Variants in NSUN4 observed in about 807,000 individuals in gnomAD.
NSUN4 encodes the protein NOP2/Sun RNA methyltransferase 4.
In NSUN4, 31 loss-of-function variants were observed where a neutral mutation model predicts 43.8. The ratio of observed to expected loss-of-function variants is 0.71; its 90% CI spans 0.53 to 0.96. NSUN4 has a LOEUF of 0.96. Ranked by LOEUF, NSUN4 falls within the 40% of genes least tolerant of loss-of-function variation. The probability of loss-of-function intolerance (pLI) is 0.00; values close to 1 mark genes in which losing one functional copy is unlikely to be tolerated. For missense variants in NSUN4, 439 were observed against 475.6 expected (o/e 0.92, Z 0.72); for synonymous variants, 167 against 184.1 (o/e 0.91, Z 0.75).
intron 1 of NSUN4, chr1:46,341,594 C>T: frequency 8.3e-7 from 1 of 1,203,604 alleles, no homozygotes; most frequent in Non-Finnish European, 1.0e-6. Flanking sequence ...CTATGACCGG[C>T]ACGCCCCCCT....
chr1:46,380,984 C>G, the NSUN4 span, among the ~76,000 whole-genome samples: 1 of 152,102 alleles, frequency 6.6e-6, no homozygotes, highest in African/African-American at 2.4e-5. Flanking sequence ...TGGGGGGATA[C>G]TATTATTACC....
At chr1:46,374,969 C>T in the NSUN4 span, among the ~76,000 whole-genome samples, 1 of 151,792 alleles carries the variant, frequency 6.6e-6, no homozygotes, top group African/African-American at 2.4e-5. Context: ...ATGTTATTAC[C>T]TCAATTTATT....
the NSUN4 span, among the ~76,000 whole-genome samples, chr1:46,372,617 C>A: frequency 2.6e-5 from 4 of 152,210 alleles, no homozygotes; most frequent in African/African-American, 7.2e-5. Context: ...TTCCTAATTT[C>A]TCCCACCAGA....
At position 46,361,667 on chromosome 1, in the gene NSUN4, G is replaced by C. The variant is rs1663884813; in HGVS notation, c.976G>C (p.Glu326Gln). ...CGAGTATGTGGTGCAAGGTGCCATT[G>C]AGCTCCTGGCCAATCAATACAGCAT... The part of the protein sequence containing the change: ...QNEYVVQGAI[E>Q]LLANQYSIQV... Residue 326 changes from glutamate to glutamine, a missense_variant, in exon 6 of 6, where the codon GAG (glutamate) becomes CAG (glutamine). By Grantham distance (29) the Glu-to-Gln change is conservative. Transcript: ENST00000474844. 4 of 1,614,198 alleles carry C rather than the reference G, an allele frequency of 2.5e-6. No individual in the cohort carries two copies. The highest frequency in any genetic ancestry group is 3.4e-6 in the Non-Finnish European group (4 of 1,180,036).
chr1:46,340,986 C>G, intron 1 of NSUN4, 67 bp downstream of exon 1: 1 of 1,428,474 alleles, frequency 7.0e-7, no homozygotes, highest in Non-Finnish European at 9.6e-7. Context: ...TTTCCGTTTC[C>G]CGGCCCTCTA....
rs1218068971 is a variant in NSUN4, at chr1:46,364,656, C to T, written c.*2810C>T. 1 of 152,156 alleles carries T rather than the reference C, an allele frequency of 6.6e-6. No individual in the cohort carries two copies. Among genetic ancestry groups the T allele is most frequent in the African/African-American group, 2.4e-5 (1 of 41,428 alleles). 9.4% of individuals were successfully genotyped at this position (152,156 alleles called of 1,614,324 possible). On this transcript the variant is annotated 3_prime_UTR_variant, in exon 6 of 6. Coordinates refer to ENST00000474844, the MANE Select transcript of NSUN4 (RefSeq NM_199044.4). ...CATTGCACTCCAGCGTGGGCGACAGCAAGAGACTTCATTTCGATAAATAAG... is the reference window on the plus strand; with the variant it reads ...CATTGCACTCCAGCGTGGGCGACAGTAAGAGACTTCATTTCGATAAATAAG...
chr1:46,373,043 A>T, the NSUN4 span, among the ~76,000 whole-genome samples: 1 of 152,166 alleles, frequency 6.6e-6, no homozygotes, highest in Non-Finnish European at 1.5e-5. Context: ...TCTAACAAGG[A>T]TGGCCTTTAG....
chr1:46,342,012 T>G (rs909957757), intron 1 of NSUN4: 34 of 1,190,972 alleles, frequency 2.9e-5, no homozygotes, highest in Admixed American at 1.3e-4. Flanking sequence ...TCATGTACCC[T>G]TGGAAACTGG....
intron 4 of NSUN4, among the ~76,000 whole-genome samples, chr1:46,356,938 T>C (rs1663423951): frequency 6.6e-6 from 1 of 152,178 alleles, no homozygotes; most frequent in South Asian, 2.1e-4. Context: ...TAATACAATA[T>C]TATACAAATT....
chr1:46,341,182 A>C, intron 1 of NSUN4: 1 of 1,236,030 alleles, frequency 8.1e-7, no homozygotes, highest in Non-Finnish European at 1.0e-6. Context: ...TCTTTTAGTG[A>C]TGTCACTGTC....
At chr1:46,372,717 T>C in the NSUN4 span, among the ~76,000 whole-genome samples, 34,139 of 152,090 alleles carry the variant, frequency 0.22, 4,298 homozygotes, top group Non-Finnish European at 0.29. Flanking sequence ...TTTTTTGTTT[T>C]GTTTTGTTTT....
At chr1:46,380,464 C>T in the NSUN4 span, among the ~76,000 whole-genome samples, 2 of 152,226 alleles carry the variant, frequency 1.3e-5, no homozygotes, top group African/African-American at 4.8e-5. Context: ...TCTTCTAGTC[C>T]ATGACCTTAG....
chr1:46,341,468 C>A, intron 1 of NSUN4: 6 of 1,019,288 alleles, frequency 5.9e-6, no homozygotes, highest in Non-Finnish European at 7.0e-6. Flanking sequence ...ACCACCCTGT[C>A]CATACTGCCG....
chr1:46,361,703 G>T lies in NSUN4; in HGVS notation c.1012G>T (p.Val338Leu). The T allele has an allele frequency of 6.2e-7, 1 of 1,614,214 alleles. No individual in the cohort carries two copies. The highest frequency in any genetic ancestry group is 1.1e-5 in the South Asian group (1 of 91,084). The change falls in exon 6 of 6, where the codon GTG becomes TTG. Residue 338 changes from valine (V) to leucine (L), a missense_variant. By Grantham distance (32) the Val-to-Leu change is conservative. Transcript: ENST00000474844. ...CAATCAATACAGCATCCAGGTACAG[G>T]TGGAAGATCTGACTCACTTCCGAAG... is the stretch of plus-strand genomic sequence containing the variant. ...LANQYSIQVQ[V>L]EDLTHFRRVF...
rs1277222835 is a variant in NSUN4, at chr1:46,361,587, C to G, written c.896C>G (p.Thr299Ser). Residue 299 changes from threonine (T) to serine (S), a missense_variant, in exon 6 of 6, where the codon ACC (threonine) becomes AGC (serine). Transcript: ENST00000474844. ...VQLLAAGLLA[T>S]KPGGHVVYST... ...GGTTTCAGGGCTGGACTCCTTGCCA[C>G]CAAACCAGGAGGCCATGTTGTCTAT... 6.2e-7 allele frequency: 1 copy of G among 1,613,964 alleles called. No individual in the cohort carries two copies. The highest frequency in any genetic ancestry group is 1.1e-5 in the South Asian group (1 of 91,062).
At chr1:46,347,164 G>A (rs1204023779) in intron 3 of NSUN4, 89 bp downstream of exon 3, 4 of 1,365,500 alleles carry the variant, frequency 2.9e-6, no homozygotes, top group South Asian at 1.4e-5. Context: ...TCGGCCAGGC[G>A]CAGTGGCTCC....
At chr1:46,350,077 T>C (rs6667861) in intron 3 of NSUN4, among the ~76,000 whole-genome samples, 34,103 of 152,158 alleles carry the variant, frequency 0.22, 4,295 homozygotes, top group Non-Finnish European at 0.29. Context: ...TCATATTTTA[T>C]GGAGGGAGAA....
At chr1:46,347,831 C>T (rs1185826566) in intron 3 of NSUN4, among the ~76,000 whole-genome samples, 2 of 151,746 alleles carry the variant, frequency 1.3e-5, no homozygotes, top group African/African-American at 2.4e-5. Flanking sequence ...ATTCCCTCAC[C>T]CTTGGCTGTC....
intron 1 of NSUN4, chr1:46,342,196 G>C (rs1312421855): frequency 2.5e-6 from 1 of 400,124 alleles, no homozygotes; most frequent in Non-Finnish European, 4.4e-6. Context: ...TTCTCAGGGA[G>C]AAGTTATAAT....
Sources: allele counts gnomAD v4.1 joint callset (sites outside exome capture counted in the v4.1 genomes callset), GRCh38; gene constraint gnomAD v4.1.1; transcripts MANE v1.5; gene names NCBI Gene and HGNC (gene_info 2026-07-23, HGNC 2026-07-21).